Variants in UGT1A10 observed in about 807,000 individuals in gnomAD.
The protein encoded by UGT1A10 is UDP-glucuronosyltransferase 1A10.
UGT1A10 carries 49 observed loss-of-function variants against 45.8 expected under a neutral mutation model. That is an observed-to-expected ratio of 1.07 (90% confidence interval 0.85 to 1.36). UGT1A10 has a LOEUF of 1.36. Among genes scored for constraint, UGT1A10 ranks in the 40% most tolerant of loss-of-function variants. The pLI is 0.00. For synonymous variants in UGT1A10, 284 were observed against 249.7 expected, an observed-to-expected ratio of 1.14 and a Z score of -1.29; for missense variants, 745 against 668.6, an observed-to-expected ratio of 1.11 and a Z score of -1.26.
In UGT1A10 at chr2:233,755,421, C is replaced by T. The variant is rs774443994; in HGVS notation, c.856-11613C>T. 197 of 321,386 alleles carry T rather than the reference C, an allele frequency of 6.1e-4. 1 individual carries two copies. The highest frequency in any genetic ancestry group is 1.9e-3 in the Admixed American group (45 of 23,834). 19.9% of individuals were successfully genotyped at this position (321,386 alleles called of 1,614,324 possible). On this transcript the variant is annotated intron_variant, in intron 1 of 4. Transcript: ENST00000344644. ...TCTCATTGGCCGAGGCCTGTGAGCG[C>T]CTCGCATCCCAAGATGCAGTGCTCC... is the stretch of plus-strand genomic sequence containing the variant.
chr2:233,772,248 G>C lies in UGT1A10; in HGVS notation c.1296-14G>C. 2 of 1,614,220 alleles carry C rather than the reference G, an allele frequency of 1.2e-6. No homozygotes were observed. Among genetic ancestry groups the C allele is most frequent in the Non-Finnish European group, 1.7e-6 (2 of 1,180,034 alleles). ...CAGGTGTTCCAGGCATAACGAAACT[G>C]TCTTTGTGTTTAGTTACAAGGAGAA... On this transcript the variant is annotated splice_polypyrimidine_tract_variant and intron_variant, in intron 4 of 4. Transcript: ENST00000344644.
intron 1 of UGT1A10, among the ~76,000 whole-genome samples, chr2:233,638,970 A>G (rs1228177166): frequency 1.3e-5 from 2 of 152,196 alleles, no homozygotes; most frequent in African/African-American, 2.4e-5. Context: ...TCCATTAATT[A>G]CAGTACCAAG....
chr2:233,772,420 C>T lies in UGT1A10; in HGVS notation c.1454C>T (p.Ser485Phe), dbSNP rs72551360. ...GACCTCACCTGGTACCAGTACCATT[C>T]CTTGGACGTGATTGGTTTCCTCTTG... ...AHDLTWYQYHSLDVIGFLLAV... is the reference protein window; with the variant it reads ...AHDLTWYQYHFLDVIGFLLAV... Residue 485 changes from serine (S) to phenylalanine (F), a missense_variant, in exon 5 of 5, where the codon TCC becomes TTC. By Grantham distance (155) the Ser-to-Phe change is radical. Coordinates refer to ENST00000344644, the MANE Select transcript of UGT1A10 (RefSeq NM_019075.4). The T allele has an allele frequency of 2.3e-5, 37 of 1,614,120 alleles. No homozygotes were observed. Among genetic ancestry groups the T allele is most frequent in the African/African-American group, 8.0e-5 (6 of 74,942 alleles).
intron 1 of UGT1A10, among the ~76,000 whole-genome samples, chr2:233,696,034 T>C (rs2075319099): frequency 6.6e-6 from 1 of 152,154 alleles, no homozygotes; most frequent in Admixed American, 6.5e-5. Flanking sequence ...AGTCCCTAAT[T>C]TACATTTGAA....
chr2:233,734,166 G>A (rs959172847), intron 1 of UGT1A10, among the ~76,000 whole-genome samples: 2 of 151,962 alleles, frequency 1.3e-5, no homozygotes, highest in Non-Finnish European at 2.9e-5. Flanking sequence ...GACTTTTTTT[G>A]GTTGGTAGGC....
rs200757651 is a variant in UGT1A10, at chr2:233,637,141, G to A, written c.619G>A (p.Val207Ile). The change falls in exon 1 of 5, where the codon GTA becomes ATA. Residue 207 changes from valine (V) to isoleucine (I), a missense_variant. Coordinates refer to ENST00000344644, the MANE Select transcript of UGT1A10 (RefSeq NM_019075.4). The stretch of plus-strand genomic sequence containing the variant: ...AGATGCCATGACTTTCAAGGAGAGA[G>A]TATGGAACCACATCGTGCACTTGGA... ...FSDAMTFKER[V>I]WNHIVHLEDH... The A allele has an allele frequency of 9.9e-6, 16 of 1,613,966 alleles. No homozygotes were observed. In the African/African-American group the frequency reaches 1.9e-4, roughly 19 times the overall value.
At chr2:233,667,045 A>G (rs1412589792) in intron 1 of UGT1A10, among the ~76,000 whole-genome samples, 4 of 152,052 alleles carry the variant, frequency 2.6e-5, no homozygotes, top group Non-Finnish European at 4.4e-5. Flanking sequence ...AATCCAGTCT[A>G]TCATTGTTGG....
intron 1 of UGT1A10, among the ~76,000 whole-genome samples, chr2:233,686,811 C>G (rs901755275): frequency 1.2e-4 from 18 of 152,132 alleles, no homozygotes; most frequent in African/African-American, 4.3e-4. Flanking sequence ...GTTACTTTTC[C>G]CTACCTATTT....
At chr2:233,718,085 C>T (rs557969051) in intron 1 of UGT1A10, 1 of 337,650 alleles carries the variant, frequency 3.0e-6, no homozygotes, top group Non-Finnish European at 5.9e-6. Context: ...GTTGTCTTGC[C>T]CATGTGTGCT....
Position 233,769,514 on chromosome 2 carries a change from A to G in UGT1A10, c.1295+1075A>G. 2 of 1,612,844 alleles carry G rather than the reference A, an allele frequency of 1.2e-6. No homozygotes were observed. The highest frequency in any genetic ancestry group is 1.7e-6 in the Non-Finnish European group (2 of 1,179,856). ...ATGAGAGTGTCCATTGCTTTCTCCCATGGTTACCTCCTTTAGAAAGAAGCA... is the reference window on the plus strand; with the variant it reads ...ATGAGAGTGTCCATTGCTTTCTCCCGTGGTTACCTCCTTTAGAAAGAAGCA... On this transcript the variant is annotated intron_variant, in intron 4 of 4. Transcript: ENST00000344644. This position sits in a 1 kb window ranked among gnomAD's most constrained non-coding sequence, Gnocchi z 4.4.
Position 233,637,326 on chromosome 2 carries a change from C to G in UGT1A10, c.804C>G (p.Asn268Lys). The G allele has an allele frequency of 6.2e-7, 1 of 1,613,962 alleles. No individual in the cohort carries two copies. The highest frequency in any genetic ancestry group is 8.5e-7 in the Non-Finnish European group (1 of 1,179,846). ...ACTATCCCAAACCCGTGATGCCCAACATGATCTTCATTGGTGGTATCAACT... is the reference window on the plus strand; with the variant it reads ...ACTATCCCAAACCCGTGATGCCCAAGATGATCTTCATTGGTGGTATCAACT... ...VLDYPKPVMP[N>K]MIFIGGINCH... The change falls in exon 1 of 5, where the codon AAC (asparagine) becomes AAG (lysine). Residue 268 changes from asparagine to lysine, a missense_variant. Transcript: ENST00000344644.
At chr2:233,766,890 A>G (rs1433588040) in intron 1 of UGT1A10, 144 bp from the exon 2 acceptor site, 1 of 1,467,048 alleles carries the variant, frequency 6.8e-7, no homozygotes, top group Non-Finnish European at 9.0e-7. Flanking sequence ...TAAAACTTAC[A>G]TATTAATAAT....
intron 1 of UGT1A10, among the ~76,000 whole-genome samples, chr2:233,677,626 G>T (rs911105605): frequency 1.3e-5 from 2 of 151,952 alleles, no homozygotes; most frequent in Admixed American, 6.6e-5. Context: ...ACCACAATAA[G>T]ATATCATCTC....
intron 1 of UGT1A10, chr2:233,713,114 G>A (rs1276880544): frequency 4.3e-6 from 7 of 1,614,110 alleles, no homozygotes; most frequent in Admixed American, 1.7e-5. Context: ...GCAGCCACTG[G>A]CTCAGCATGC....
intron 1 of UGT1A10, among the ~76,000 whole-genome samples, chr2:233,679,982 T>C (rs185840160): frequency 6.6e-6 from 1 of 152,330 alleles, no homozygotes; most frequent in East Asian, 1.9e-4. Context: ...AGCAATGTCT[T>C]CATGAATCTT....
intron 1 of UGT1A10, among the ~76,000 whole-genome samples, chr2:233,643,935 T>A (rs1257093491): frequency 6.6e-6 from 1 of 152,030 alleles, no homozygotes; most frequent in East Asian, 1.9e-4. Context: ...CAAGACAAAG[T>A]CCTCCCCACT....
At chr2:233,676,973 A>G (rs1411652116) in intron 1 of UGT1A10, among the ~76,000 whole-genome samples, 2 of 152,188 alleles carry the variant, frequency 1.3e-5, no homozygotes, top group Non-Finnish European at 2.9e-5. Context: ...GTAATAATCT[A>G]TAAATGAGGT....
At chr2:233,749,482 T>C (rs1349900601) in intron 1 of UGT1A10, among the ~76,000 whole-genome samples, 2 of 151,916 alleles carry the variant, frequency 1.3e-5, no homozygotes, top group Non-Finnish European at 2.9e-5. Flanking sequence ...CAGATCACTC[T>C]TGCTATGCCC....
At chr2:233,743,600 C>T in intron 1 of UGT1A10, 3 of 1,367,332 alleles carry the variant, frequency 2.2e-6, no homozygotes, top group Non-Finnish European at 2.9e-6. Flanking sequence ...TGGGTCCTGG[C>T]CGCCGAAGAA....
Sources: allele counts gnomAD v4.1 joint callset (sites outside exome capture counted in the v4.1 genomes callset), GRCh38; gene constraint gnomAD v4.1.1; non-coding constraint Gnocchi (gnomAD v3.1); transcripts MANE v1.5; gene names NCBI Gene and HGNC (gene_info 2026-07-23, HGNC 2026-07-21).